Variants in ASIC2 observed in about 807,000 individuals in gnomAD.
ASIC2 encodes the protein acid sensing ion channel subunit 2, also known as acid-sensing ion channel 2.
ASIC2 carries 25 observed loss-of-function variants against 57.3 expected under a neutral mutation model. The ratio of observed to expected loss-of-function variants is 0.44; its 90% CI spans 0.32 to 0.61. The LOEUF is 0.61. Among genes scored for constraint, ASIC2 ranks in the 20% least tolerant of loss-of-function variants. The pLI, the probability that ASIC2 is intolerant of heterozygous loss-of-function variation, is 0.06. For missense variants in ASIC2, 641 were observed against 738.1 expected (o/e 0.87, Z 1.52); for synonymous variants, 319 against 307.5 (o/e 1.04, Z -0.39).
At chr17:33,044,301 T>C (rs369746100) in intron 3 of ASIC2, among the ~76,000 whole-genome samples, 1 of 144,800 alleles carries the variant, frequency 6.9e-6, no homozygotes, top group Non-Finnish European at 1.5e-5. Flanking sequence ...CATCCATCCA[T>C]CCAACCATCC....
intron 2 of ASIC2, among the ~76,000 whole-genome samples, chr17:33,110,609 C>G (rs1424901903): frequency 6.6e-6 from 1 of 152,122 alleles, no homozygotes; most frequent in African/African-American, 2.4e-5. Context: ...TGGCCACACT[C>G]CCGTCCCTGC....
intron 1 of ASIC2, among the ~76,000 whole-genome samples, chr17:33,679,275 C>A (rs1020105341): frequency 5.9e-5 from 9 of 152,160 alleles, no homozygotes; most frequent in African/African-American, 2.2e-4. Flanking sequence ...AACCCTCTTG[C>A]CCCCACCTAG....
At chr17:34,039,111 C>A in intron 1 of ASIC2, 1 of 1,614,080 alleles carries the variant, frequency 6.2e-7, no homozygotes. Context: ...TCTCTAGCAT[C>A]TTTTGCTGTT....
At chr17:33,476,503 GCATATATATATATA>G (rs1567624834) in intron 1 of ASIC2, among the ~76,000 whole-genome samples, 30 of 95,300 alleles carry the variant, frequency 3.1e-4, no homozygotes, top group African/African-American at 8.8e-4. Context: ...GTGTGTGTGT[GCATATATATATATA>G]TATATATATA....
intron 1 of ASIC2, among the ~76,000 whole-genome samples, chr17:34,134,705 C>T (rs1912081220): frequency 6.6e-6 from 1 of 152,182 alleles, no homozygotes; most frequent in African/African-American, 2.4e-5. Context: ...GAATCTGTTT[C>T]TATTTGCGCC....
chr17:33,922,753 G>T (rs893558231), intron 1 of ASIC2, among the ~76,000 whole-genome samples: 2 of 152,124 alleles, frequency 1.3e-5, no homozygotes, highest in African/African-American at 4.8e-5. Context: ...CTTTCCTACT[G>T]CTGGTCAAAG....
chr17:33,288,368 C>T (rs1202990482), intron 1 of ASIC2, among the ~76,000 whole-genome samples: 2 of 152,004 alleles, frequency 1.3e-5, no homozygotes, highest in African/African-American at 4.8e-5. Context: ...GGAAACCAAA[C>T]CAAGCAGAGG....
At chr17:33,564,100 GGCTGA>G (rs1916160310) in intron 1 of ASIC2, among the ~76,000 whole-genome samples, 1 of 152,124 alleles carries the variant, frequency 6.6e-6, no homozygotes, top group Non-Finnish European at 1.5e-5. Context: ...GAGGAGGTGA[GGCTGA>G]GCTGATGCCC....
intron 1 of ASIC2, among the ~76,000 whole-genome samples, chr17:33,598,187 T>C (rs910097451): frequency 2.0e-5 from 3 of 152,180 alleles, no homozygotes; most frequent in Admixed American, 2.0e-4. Flanking sequence ...GGCACACCAT[T>C]TGGGATTTTC....
chr17:33,889,993 G>T (rs1268818898), intron 1 of ASIC2, among the ~76,000 whole-genome samples: 2 of 152,186 alleles, frequency 1.3e-5, no homozygotes, highest in African/African-American at 4.8e-5. Context: ...AGTCCAGGGT[G>T]AGGCCATGTT....
At chr17:33,578,248 C>T (rs1169238201) in intron 1 of ASIC2, among the ~76,000 whole-genome samples, 1 of 152,062 alleles carries the variant, frequency 6.6e-6, no homozygotes, top group Non-Finnish European at 1.5e-5. Flanking sequence ...AGAAGTGTTC[C>T]CCTATCTACT....
At chr17:33,904,938 A>AGTTG (rs1203580087) in intron 1 of ASIC2, among the ~76,000 whole-genome samples, 1 of 152,114 alleles carries the variant, frequency 6.6e-6, no homozygotes, top group East Asian at 1.9e-4. Flanking sequence ...TTTCCCTAGG[A>AGTTG]GTTGGTCAAA....
chr17:33,533,267 A>T lies in ASIC2; in HGVS notation c.556-421200T>A, dbSNP rs570581803. The stretch of plus-strand genomic sequence containing the variant: ...AGGCTGAGGCAGGAGAATCGCTTGA[A>T]CTCAGGAGGCAGAGGTGGCAGTGAG... On this transcript the variant is annotated intron_variant, in intron 1 of 9. Coordinates refer to the ASIC2 transcript ENST00000359872. Among the ~76,000 whole-genome samples, 5 of 152,222 alleles carry T rather than the reference A, an allele frequency of 3.3e-5. No individual in the cohort carries two copies. In the South Asian group the frequency reaches 1.0e-3, roughly 32 times the overall value.
chr17:33,273,534 C>G (rs1904587982), intron 1 of ASIC2, among the ~76,000 whole-genome samples: 1 of 152,124 alleles, frequency 6.6e-6, no homozygotes, highest in Non-Finnish European at 1.5e-5. Context: ...CTTGTTCACT[C>G]AACAACCACT....
At chr17:33,941,139 C>A (rs1916183586) in intron 1 of ASIC2, among the ~76,000 whole-genome samples, 1 of 152,114 alleles carries the variant, frequency 6.6e-6, no homozygotes, top group South Asian at 2.1e-4. Flanking sequence ...AGTGCAGGAG[C>A]CTAGGTGAGC....
Position 33,548,176 on chromosome 17 carries a change from A to C in ASIC2, c.556-436109T>G, listed in dbSNP as rs1915638974. Among the ~76,000 whole-genome samples the C allele has an allele frequency of 2.6e-5, 4 of 152,230 alleles. No individual in the cohort carries two copies. In the South Asian group the frequency reaches 8.3e-4, roughly 32 times the overall value. On this transcript the variant is annotated intron_variant, in intron 1 of 9. Coordinates refer to the ASIC2 transcript ENST00000359872. The stretch of plus-strand genomic sequence containing the variant: ...CCATTAACTCAAATTACATGAGCCG[A>C]GTCTGCTGTCGTCTCCCTTTTAAGC...
At chr17:33,353,588 C>G (rs1384063739) in intron 1 of ASIC2, among the ~76,000 whole-genome samples, 3 of 152,140 alleles carry the variant, frequency 2.0e-5, no homozygotes, top group Non-Finnish European at 2.9e-5. Context: ...ATCCTCCTAC[C>G]TCAGACTCCC....
chr17:33,764,808 G>A (rs12452748), intron 1 of ASIC2, among the ~76,000 whole-genome samples: 4 of 152,028 alleles, frequency 2.6e-5, no homozygotes, highest in Admixed American at 6.5e-5. Context: ...GGGGACATTC[G>A]CACAATAGCA....
chr17:33,762,195 C>A (rs1189202892), intron 1 of ASIC2, among the ~76,000 whole-genome samples: 1 of 152,148 alleles, frequency 6.6e-6, no homozygotes, highest in African/African-American at 2.4e-5. Context: ...GGAATGGTGA[C>A]ATGGCAATGC....
Sources: allele counts gnomAD v4.1 joint callset (sites outside exome capture counted in the v4.1 genomes callset), GRCh38; gene constraint gnomAD v4.1.1; transcripts MANE v1.5; gene names NCBI Gene and HGNC (gene_info 2026-07-23, HGNC 2026-07-21).